Variants in LOC114841035 observed in about 807,000 individuals in gnomAD.
At chr11:64,243,691 C>A in the LOC114841035 span, 3 of 1,233,648 alleles carry the variant, frequency 2.4e-6, no homozygotes, top group South Asian at 1.3e-5. Context: ...CCCCACTCTG[C>A]CCTTGCCAGG....
the LOC114841035 span, chr11:64,242,067 G>A: frequency 3.6e-6 from 1 of 278,556 alleles, no homozygotes; most frequent in Non-Finnish European, 6.8e-6. Flanking sequence ...AAAGGGACAG[G>A]CGGGAACTGA....
the LOC114841035 span, chr11:64,244,007 T>C: frequency 1.2e-6 from 2 of 1,613,240 alleles, no homozygotes; most frequent in Admixed American, 1.7e-5. Flanking sequence ...CTGCTCAAAA[T>C]AGAGCGACGA....
chr11:64,242,511 T>C, the LOC114841035 span: 2 of 1,554,368 alleles, frequency 1.3e-6, no homozygotes, highest in Non-Finnish European at 1.7e-6. Context: ...GGTGGACCAC[T>C]GTCCCATCAA....
At chr11:64,241,597 C>A in the LOC114841035 span, 1 of 152,610 alleles carries the variant, frequency 6.6e-6, no homozygotes. Context: ...GGGCTGCAGG[C>A]CCGGGGGCGG....
At chr11:64,244,093 CAAAA>C in the LOC114841035 span, 3 of 1,524,378 alleles carry the variant, frequency 2.0e-6, no homozygotes, top group Non-Finnish European at 2.7e-6. Flanking sequence ...AAAAAAAAAA[CAAAA>C]AACAAAAACA....
chr11:64,244,116 A>C, the LOC114841035 span: 1 of 1,463,454 alleles, frequency 6.8e-7, no homozygotes, highest in Non-Finnish European at 9.4e-7. Context: ...CAAACAAAAA[A>C]ACACTTAAAA....
At chr11:64,243,528 A>G in the LOC114841035 span, 1 of 1,612,306 alleles carries the variant, frequency 6.2e-7, no homozygotes, top group South Asian at 1.1e-5. Context: ...GTGCAGAGCG[A>G]GTTTGGGGTG....
At chr11:64,243,643 G>C in the LOC114841035 span, 1 of 1,213,164 alleles carries the variant, frequency 8.2e-7, no homozygotes, top group Non-Finnish European at 1.2e-6. Context: ...CTAGCAGTGA[G>C]TACAGGGCAA....
the LOC114841035 span, chr11:64,242,574 G>C: frequency 2.6e-6 from 4 of 1,526,514 alleles, no homozygotes; most frequent in Non-Finnish European, 3.5e-6. Context: ...TGGGTTGGGC[G>C]GGCCTTTTGG....
At chr11:64,243,073 A>C in the LOC114841035 span, 2 of 801,508 alleles carry the variant, frequency 2.5e-6, no homozygotes, top group African/African-American at 1.7e-5. Flanking sequence ...ATCTCAAAAA[A>C]CAAAAAGGAC....
chr11:64,241,408 G>A, the LOC114841035 span, among the ~76,000 whole-genome samples: 2 of 152,032 alleles, frequency 1.3e-5, no homozygotes, highest in Non-Finnish European at 2.9e-5. Flanking sequence ...GGCGGGGGGC[G>A]GAGCTAGGAG....
chr11:64,242,434 T>G, the LOC114841035 span: 1 of 1,552,114 alleles, frequency 6.4e-7, no homozygotes, highest in Non-Finnish European at 8.7e-7. Flanking sequence ...TCCATCTGCC[T>G]GAGCGCCGTG....
At chr11:64,243,464 GA>G in the LOC114841035 span, 1 of 1,614,044 alleles carries the variant, frequency 6.2e-7, no homozygotes. Context: ...GTGTGAGGGG[GA>G]AAAGCGCAAG....
the LOC114841035 span, chr11:64,243,302 G>A: frequency 6.2e-7 from 1 of 1,604,104 alleles, no homozygotes; most frequent in Non-Finnish European, 8.5e-7. Context: ...TGGGACCAGG[G>A]GCTGCTGGGG....
At chr11:64,244,089 A>G in the LOC114841035 span, 1 of 1,556,390 alleles carries the variant, frequency 6.4e-7, no homozygotes, top group Non-Finnish European at 8.8e-7. Flanking sequence ...TTCCAAAAAA[A>G]AAACAAAAAA....
chr11:64,243,697 C>G, the LOC114841035 span: 3 of 1,273,296 alleles, frequency 2.4e-6, no homozygotes, highest in Middle Eastern at 4.8e-4. Context: ...TCTGCCCTTG[C>G]CAGGCCTTTG....
At chr11:64,242,560 TGAGTGGGTTGGGCGGGCCTTTTGG>T in the LOC114841035 span, 1 of 1,533,642 alleles carries the variant, frequency 6.5e-7, no homozygotes, top group Non-Finnish European at 8.7e-7. Context: ...CACTACACGG[TGAGTGGGTTGGGCGGGCCTTTTGG>T]GAGTGGGTGG....
At chr11:64,243,484 C>T in the LOC114841035 span, 2 of 1,613,846 alleles carry the variant, frequency 1.2e-6, no homozygotes, top group South Asian at 1.1e-5. Flanking sequence ...AGCTGGTGAT[C>T]CCATCCGAGC....
At chr11:64,243,377 T>C in the LOC114841035 span, 4 of 1,606,748 alleles carry the variant, frequency 2.5e-6, no homozygotes, top group South Asian at 1.1e-5. Flanking sequence ...AGGTAAGCTG[T>C]GGGAGGCAAG....
Sources: allele counts gnomAD v4.1 joint callset (sites outside exome capture counted in the v4.1 genomes callset), GRCh38; gene constraint gnomAD v4.1.1; transcripts MANE v1.5.